Variants in PCOLCE2 observed in about 807,000 individuals in gnomAD.
The protein encoded by PCOLCE2 is procollagen C-endopeptidase enhancer 2.
Under a neutral mutation model 47.0 loss-of-function variants are expected in PCOLCE2, and 42 were observed. The ratio of observed to expected loss-of-function variants is 0.89; its 90% CI spans 0.70 to 1.16. The LOEUF (loss-of-function observed/expected upper bound fraction) is 1.16, where lower values mean the gene tolerates loss of function less well. PCOLCE2 is among the 50% of genes most tolerant of loss of function. PCOLCE2 has a pLI of 0.00. For missense variants in PCOLCE2, 500 were observed against 526.1 expected (o/e 0.95, Z 0.49); for synonymous variants, 169 against 191.7 (o/e 0.88, Z 0.98).
chr3:142,829,911 A>G, intron 5 of PCOLCE2, 65 bp from the exon 6 acceptor site: 1 of 966,168 alleles, frequency 1.0e-6, no homozygotes, highest in Non-Finnish European at 1.5e-6. Context: ...AAAATGTAAA[A>G]TTTTCTAGTT....
chr3:142,888,854 C>T lies in PCOLCE2; in HGVS notation c.43G>A (p.Ala15Thr). ...TGCCGCGAGAGCTGGGTGGCGGCAG[C>T]CAGCAGCAGGCAGAGTGGCGCCCAG... ...NAWAPLCLLL[A>T]AATQLSRQQS... Residue 15 changes from alanine (A) to threonine (T), a missense_variant, in exon 1 of 9, where the codon GCT becomes ACT. Physicochemically the swap from Ala to Thr is moderately conservative, Grantham distance 58. Coordinates refer to ENST00000295992, the MANE Select transcript of PCOLCE2 (RefSeq NM_013363.4). 6.5e-7 allele frequency: 1 copy of T among 1,548,142 alleles called. No homozygotes were observed. Among genetic ancestry groups the T allele is most frequent in the Non-Finnish European group, 8.7e-7 (1 of 1,149,670 alleles).
intron 2 of PCOLCE2, among the ~76,000 whole-genome samples, chr3:142,861,655 CT>C (rs35710742): frequency 0.52 from 79,307 of 152,008 alleles, 22,146 homozygotes; most frequent in Non-Finnish European, 0.64. Context: ...CTGCTCTGCA[CT>C]GTTTCTGTTG....
At chr3:142,876,836 C>T (rs549083258) in intron 2 of PCOLCE2, among the ~76,000 whole-genome samples, 2 of 152,258 alleles carry the variant, frequency 1.3e-5, no homozygotes, top group East Asian at 3.9e-4. Context: ...TCTGCTCCAT[C>T]CAATTTGTTC....
At chr3:142,860,411 C>G (rs187870485) in intron 2 of PCOLCE2, among the ~76,000 whole-genome samples, 292 of 151,206 alleles carry the variant, frequency 1.9e-3, no homozygotes, top group African/African-American at 6.9e-3. Context: ...TTTCCTAAAG[C>G]TAATAATTGC....
chr3:142,840,070 T>C (rs1421584794), intron 4 of PCOLCE2, among the ~76,000 whole-genome samples: 1 of 152,138 alleles, frequency 6.6e-6, no homozygotes, highest in Non-Finnish European at 1.5e-5. Flanking sequence ...TGTAAAGAAG[T>C]CAAATTTTCA....
chr3:142,849,047 G>A (rs1359586408), intron 2 of PCOLCE2, among the ~76,000 whole-genome samples: 2 of 152,012 alleles, frequency 1.3e-5, no homozygotes, highest in Non-Finnish European at 2.9e-5. Flanking sequence ...CAGCTACTCG[G>A]GAGGCTGAGG....
At chr3:142,838,287 C>A (rs1418132229) in intron 5 of PCOLCE2, among the ~76,000 whole-genome samples, 2 of 152,060 alleles carry the variant, frequency 1.3e-5, no homozygotes, top group African/African-American at 2.4e-5. Flanking sequence ...TGTGTCCCTG[C>A]CCAAATGTAA....
In PCOLCE2 at chr3:142,823,566, C is replaced by T. The variant is rs1490629042; in HGVS notation, c.915G>A (p.Gly305=). The T allele has an allele frequency of 6.2e-7, 1 of 1,611,034 alleles. No individual in the cohort carries two copies. Among genetic ancestry groups the T allele is most frequent in the African/African-American group, 1.3e-5 (1 of 74,962 alleles). Residue 305 remains glycine (G), a synonymous_variant, in exon 7 of 9, where the codon GGG becomes GGA. Coordinates refer to ENST00000295992, the MANE Select transcript of PCOLCE2 (RefSeq NM_013363.4). ...ALCQQKCRRT[G]TLEGNYCSSD... is the part of the protein sequence containing the mutation. ...TTGAACAATAATTGCCCTCCAGAGT[C>T]CCCGTCCGTCTACACTTTTGTTGAC...
chr3:142,877,868 T>G (rs1933531811), intron 2 of PCOLCE2, among the ~76,000 whole-genome samples: 1 of 152,186 alleles, frequency 6.6e-6, no homozygotes. Flanking sequence ...ATTTTTCAAT[T>G]ATTGCTGTTT....
rs149314234 is a variant in PCOLCE2 at position 142,854,874 on chromosome 3, C to T, written c.193-6402G>A. ...CCTATGAAGTTGATATTATTATTGG[C>T]CCAACTTTATAGTTTACAGATGAAG... On this transcript the variant is annotated intron_variant, in intron 2 of 8. Transcript: ENST00000295992. Among the ~76,000 whole-genome samples the T allele has an allele frequency of 2.6e-3, 400 of 152,286 alleles. 1 individual carries two copies. The highest frequency in any genetic ancestry group is 4.0e-3 in the Non-Finnish European group (270 of 68,026).
chr3:142,860,659 C>T (rs1933164663), intron 2 of PCOLCE2, among the ~76,000 whole-genome samples: 1 of 152,194 alleles, frequency 6.6e-6, no homozygotes, highest in African/African-American at 2.4e-5. Flanking sequence ...CCGCCTGTCT[C>T]GGCCTCCCAA....
At chr3:142,873,529 A>T (rs1933435639) in intron 2 of PCOLCE2, among the ~76,000 whole-genome samples, 1 of 152,216 alleles carries the variant, frequency 6.6e-6, no homozygotes. Context: ...TTACACATAT[A>T]ATTAACAAAG....
intron 5 of PCOLCE2, among the ~76,000 whole-genome samples, chr3:142,837,557 A>G (rs11720844): frequency 0.17 from 26,407 of 152,214 alleles, 2,653 homozygotes; most frequent in Non-Finnish European, 0.23. Context: ...TAATCTAATT[A>G]CGTTTAAGCA....
chr3:142,849,336 G>A (rs1409536313), intron 2 of PCOLCE2, among the ~76,000 whole-genome samples: 1 of 152,188 alleles, frequency 6.6e-6, no homozygotes, highest in East Asian at 1.9e-4. Context: ...AATGAACTGA[G>A]TAATTGCTGA....
rs1277531482 is a variant in PCOLCE2 at position 142,842,575 on chromosome 3, T to C, written c.573+349A>G. Among the ~76,000 whole-genome samples the C allele has an allele frequency of 6.6e-6, 1 of 151,740 alleles. No homozygotes were observed. Among genetic ancestry groups the C allele is most frequent in the African/African-American group, 2.4e-5 (1 of 41,322 alleles). On this transcript the variant is annotated intron_variant, in intron 4 of 8. Transcript: ENST00000295992. The surrounding 1 kb of genome is among the most constrained non-coding windows in gnomAD (Gnocchi z 4.1). ...CAACATGGAGAAACTCTGTCTCTAC[T>C]AAAAAAATACAAAATTAGCCGGGCG...
At chr3:142,883,902 C>T (rs73232766) in intron 2 of PCOLCE2, among the ~76,000 whole-genome samples, 30,003 of 152,064 alleles carry the variant, frequency 0.2, 3,283 homozygotes, top group South Asian at 0.27. Context: ...GAGCACAGAA[C>T]GTAAGATGCC....
At chr3:142,833,343 C>A (rs578258666) in intron 5 of PCOLCE2, among the ~76,000 whole-genome samples, 1 of 151,890 alleles carries the variant, frequency 6.6e-6, no homozygotes, top group Non-Finnish European at 1.5e-5. Flanking sequence ...CACTACCAGG[C>A]GACATTAATT....
chr3:142,863,658 G>A (rs768395697), intron 2 of PCOLCE2, among the ~76,000 whole-genome samples: 10 of 152,142 alleles, frequency 6.6e-5, no homozygotes, highest in Non-Finnish European at 1.0e-4. Flanking sequence ...GCAACAACCC[G>A]AGGGCACATC....
At chr3:142,867,813 T>C (rs1227222807) in intron 2 of PCOLCE2, among the ~76,000 whole-genome samples, 3 of 152,178 alleles carry the variant, frequency 2.0e-5, no homozygotes, top group Middle Eastern at 3.2e-3. Context: ...CAGTTTCTCA[T>C]ATAGTAAAGC....
Sources: gnomAD v4.1 joint callset for allele counts (sites outside exome capture counted in the v4.1 genomes callset) on GRCh38, gnomAD v4.1.1 for gene constraint, Gnocchi (gnomAD v3.1) non-coding constraint, MANE v1.5 for transcripts, NCBI Gene and HGNC (gene_info 2026-07-23, HGNC 2026-07-21) for gene names.